Variants in ZNF66 observed in about 807,000 individuals in gnomAD.
ZNF66 encodes the protein putative zinc finger protein 66.
In ZNF66, 32 loss-of-function variants were observed where a neutral mutation model predicts 35.2. The ratio of observed to expected loss-of-function variants is 0.91; its 90% confidence interval spans 0.69 to 1.22. The LOEUF is 1.22. ZNF66 is among the 50% of genes most tolerant of loss of function. The probability of loss-of-function intolerance (pLI) is 0.00; values close to 1 mark genes in which losing one functional copy is unlikely to be tolerated. For missense variants in ZNF66, 666 were observed against 543.1 expected (o/e 1.23, Z -2.25); for synonymous variants, 231 against 181.3 (o/e 1.27, Z -2.20).
chr19:20,790,983 ACTT>A (rs1014510208), intron 1 of ZNF66, among the ~76,000 whole-genome samples: 2 of 152,138 alleles, frequency 1.3e-5, no homozygotes, highest in African/African-American at 4.8e-5. Flanking sequence ...CTACATCATA[ACTT>A]CTTATACGCC....
At chr19:20,776,729 G>A (rs547569534) in intron 1 of ZNF66, among the ~76,000 whole-genome samples, 1 of 152,310 alleles carries the variant, frequency 6.6e-6, no homozygotes, top group East Asian at 1.9e-4. Context: ...ACCACCGGAG[G>A]GTCTTCAGGG....
chr19:20,777,688 A>G (rs562775438), intron 1 of ZNF66, among the ~76,000 whole-genome samples: 72 of 151,994 alleles, frequency 4.7e-4, no homozygotes, highest in South Asian at 8.3e-4. Flanking sequence ...GTGCAGTGTC[A>G]GATCTTGGCT....
chr19:20,801,646 C>T (rs1485881200), intron 3 of ZNF66, among the ~76,000 whole-genome samples: 1 of 151,768 alleles, frequency 6.6e-6, no homozygotes, highest in Non-Finnish European at 1.5e-5. Context: ...CATCCGGCCT[C>T]ATGTATTTTT....
At chr19:20,784,161 A>T (rs1971267473) in intron 1 of ZNF66, among the ~76,000 whole-genome samples, 1 of 152,164 alleles carries the variant, frequency 6.6e-6, no homozygotes, top group African/African-American at 2.4e-5. Flanking sequence ...TATTTTCTAC[A>T]ATATTATGAA....
chr19:20,784,757 A>G (rs1170058104), intron 1 of ZNF66: 1 of 152,228 alleles, frequency 6.6e-6, no homozygotes. Flanking sequence ...TGGTGAGAGT[A>G]GCTATACACT....
chr19:20,792,718 T>C, intron 2 of ZNF66, 80 bp downstream of exon 2: 1 of 862,380 alleles, frequency 1.2e-6, no homozygotes, highest in African/African-American at 1.8e-5. Flanking sequence ...TAGTAATTTA[T>C]TCTTTTTATA....
chr19:20,779,763 C>CA (rs66794542), intron 1 of ZNF66, among the ~76,000 whole-genome samples: 4,489 of 136,534 alleles, frequency 0.033, 140 homozygotes, highest in South Asian at 0.11. Context: ...CCCATCACTA[C>CA]AAAAAAAAAA....
intron 3 of ZNF66, among the ~76,000 whole-genome samples, 189 bp from the exon 4 acceptor site, chr19:20,805,638 A>G (rs1971494850): frequency 6.6e-6 from 1 of 151,796 alleles, no homozygotes; most frequent in Non-Finnish European, 1.5e-5. Flanking sequence ...TCATTTATAA[A>G]TTTTTTACAA....
At chr19:20,797,836 A>G (rs1486861652) in intron 3 of ZNF66, among the ~76,000 whole-genome samples, 6 of 152,282 alleles carry the variant, frequency 3.9e-5, no homozygotes, top group African/African-American at 1.4e-4. Flanking sequence ...TACTGGGATT[A>G]CAGTTATGAT....
chr19:20,801,943 T>A (rs953330307), intron 3 of ZNF66, among the ~76,000 whole-genome samples: 3 of 133,664 alleles, frequency 2.2e-5, no homozygotes, highest in Non-Finnish European at 3.4e-5. Flanking sequence ...AGTAGTTTAA[T>A]GAGAGTCCTG....
intron 1 of ZNF66, among the ~76,000 whole-genome samples, chr19:20,778,240 C>G (rs1015921800): frequency 6.6e-6 from 1 of 152,090 alleles, no homozygotes; most frequent in Non-Finnish European, 1.5e-5. Flanking sequence ...GCTGGGATTA[C>G]AGGTGTGTGT....
In ZNF66 at chr19:20,782,309, A is replaced by G. The variant is rs556058606; in HGVS notation, c.3+5859A>G. Among the ~76,000 whole-genome samples, 13 of 152,294 alleles carry G rather than the reference A, an allele frequency of 8.5e-5. No homozygotes were observed. The Middle Eastern group carries it at 0.024, about 279-fold the overall frequency. ...TTTAGGGCCTGTCCTTGTCTTTGCT[A>G]TTGTGAATAGTGCTGCAGTGAACAT... On this transcript the variant is annotated intron_variant, in intron 1 of 3. Coordinates refer to ENST00000344519, the MANE Select transcript of ZNF66 (RefSeq NM_001355197.2).
intron 2 of ZNF66, 134 bp downstream of exon 2, chr19:20,792,772 G>A: frequency 1.6e-6 from 1 of 621,290 alleles, no homozygotes. Flanking sequence ...TTCAGAATTT[G>A]TTCATTTAGA....
At position 20,806,419 on chromosome 19, in the gene ZNF66, T is replaced by A; in HGVS notation, c.819T>A (p.Thr273=). The change falls in exon 4 of 4, where the codon ACT becomes ACA. Residue 273 remains threonine (T), a synonymous_variant. Coordinates refer to ENST00000344519, the MANE Select transcript of ZNF66 (RefSeq NM_001355197.2). ...GKAFKRSSIL[T]THKRIHTGEK... Reference sequence around the variant, plus strand: ...CCTTTAAGCGCTCCTCTATCCTTACTACACATAAGAGAATTCATACTGGAG... The same window carrying A: ...CCTTTAAGCGCTCCTCTATCCTTACAACACATAAGAGAATTCATACTGGAG... 1 of 1,561,270 alleles carries A rather than the reference T, an allele frequency of 6.4e-7. No homozygotes were observed. Among genetic ancestry groups the A allele is most frequent in the South Asian group, 1.1e-5 (1 of 89,646 alleles).
intron 1 of ZNF66, among the ~76,000 whole-genome samples, chr19:20,790,101 T>C (rs10424824): frequency 0.1 from 14,074 of 137,696 alleles, 607 homozygotes; most frequent in Middle Eastern, 0.12. Context: ...CCTTTTCAAA[T>C]CTGCAGAATT....
chr19:20,777,348 TC>T (rs771841131), intron 1 of ZNF66, among the ~76,000 whole-genome samples: 72 of 151,956 alleles, frequency 4.7e-4, no homozygotes, highest in Admixed American at 2.3e-3. Context: ...GGTGGAAATT[TC>T]CTGGTTATGT....
At chr19:20,795,469 G>A (rs940617889) in intron 3 of ZNF66, among the ~76,000 whole-genome samples, 2 of 151,090 alleles carry the variant, frequency 1.3e-5, no homozygotes, top group Non-Finnish European at 2.9e-5. Flanking sequence ...TTGGGTTCCA[G>A]TGATTCTCCT....
In ZNF66 at chr19:20,776,326, C is replaced by A. The variant is rs1389353914; in HGVS notation, c.-122C>A. 13 of 1,431,534 alleles carry A rather than the reference C, an allele frequency of 9.1e-6. No individual in the cohort carries two copies. The highest frequency in any genetic ancestry group is 3.5e-4 in the Middle Eastern group (2 of 5,658). The allele number at this position is 1,431,534 out of a possible 1,614,324, so 88.7% of individuals were successfully genotyped here. A position where few individuals can be genotyped will look rare whatever the true frequency, so the allele number is the denominator to read the frequency against. On this transcript the variant is annotated 5_prime_UTR_variant, in exon 1 of 4. Coordinates refer to ENST00000344519, the MANE Select transcript of ZNF66 (RefSeq NM_001355197.2). ...TTTGTCTCTCCCTGCAGCTGGAGCT[C>A]CAGGTCGTCTGTTCACTGCTCTCTG...
At chr19:20,784,779 G>A (rs999331943) in intron 1 of ZNF66, 2 of 152,128 alleles carry the variant, frequency 1.3e-5, no homozygotes, top group Non-Finnish European at 2.9e-5. Flanking sequence ...TGAGTGTTTC[G>A]AGAGAAATTT....
Sources: allele counts gnomAD v4.1 joint callset (sites outside exome capture counted in the v4.1 genomes callset), GRCh38; gene constraint gnomAD v4.1.1; transcripts MANE v1.5; gene names NCBI Gene and HGNC (gene_info 2026-07-23, HGNC 2026-07-21).